Variants in NLGN1 observed in about 807,000 individuals in gnomAD.
NLGN1 encodes the protein neuroligin 1.
Under a neutral mutation model 65.5 loss-of-function variants are expected in NLGN1, and 12 were observed. The observed-to-expected ratio is 0.18, with a 90% CI of 0.12 to 0.30. The LOEUF (loss-of-function observed/expected upper bound fraction) is 0.30, where lower values mean the gene tolerates loss of function less well. Ranked by LOEUF, NLGN1 falls within the 10% of genes least tolerant of loss-of-function variation. NLGN1 has a pLI of 1.00. For missense variants in NLGN1, 750 were observed against 1,007.1 expected, an observed-to-expected ratio of 0.74 and a Z score of 3.46; for synonymous variants, 350 against 359.5, an observed-to-expected ratio of 0.97 and a Z score of 0.30.
At chr3:173,543,798 C>CAATCTTTGCACTCATG (rs1486288296) in intron 2 of NLGN1, among the ~76,000 whole-genome samples, 2 of 152,096 alleles carry the variant, frequency 1.3e-5, no homozygotes, top group South Asian at 4.1e-4. Flanking sequence ...GAAACAGACA[C>CAATCTTTGCACTCATG]AATCTTTGCA....
intron 2 of NLGN1, among the ~76,000 whole-genome samples, chr3:173,572,487 A>T (rs1438325412): frequency 6.6e-6 from 1 of 152,268 alleles, no homozygotes; most frequent in African/African-American, 2.4e-5. Context: ...ATCTGAGTCC[A>T]TGCCAAGAAT....
chr3:174,151,991 GA>G (rs1724449346), intron 4 of NLGN1, among the ~76,000 whole-genome samples: 4 of 152,022 alleles, frequency 2.6e-5, no homozygotes, highest in Admixed American at 1.3e-4. Context: ...AACTGTTAGA[GA>G]AAGAATACAG....
chr3:174,075,778 T>C (rs1232496930), intron 4 of NLGN1, among the ~76,000 whole-genome samples: 3 of 152,194 alleles, frequency 2.0e-5, no homozygotes, highest in Non-Finnish European at 2.9e-5. Context: ...GATTATTGAT[T>C]CTTGAGCATG....
intron 4 of NLGN1, among the ~76,000 whole-genome samples, chr3:174,091,368 C>T (rs1016796102): frequency 3.9e-5 from 6 of 152,192 alleles, no homozygotes; most frequent in Non-Finnish European, 8.8e-5. Context: ...TGACTTAACA[C>T]CTGTTGAAAA....
At chr3:173,854,341 C>T (rs1727541999) in intron 4 of NLGN1, among the ~76,000 whole-genome samples, 1 of 151,906 alleles carries the variant, frequency 6.6e-6, no homozygotes, top group East Asian at 1.9e-4. Flanking sequence ...TACAATGATG[C>T]CAACTGTAAG....
chr3:173,541,566 A>C (rs10936759), intron 2 of NLGN1, among the ~76,000 whole-genome samples: 88,319 of 151,846 alleles, frequency 0.58, 26,172 homozygotes, highest in East Asian at 0.85. Flanking sequence ...AGTTGATGAA[A>C]TGAAGACAGT....
intron 4 of NLGN1, among the ~76,000 whole-genome samples, chr3:173,955,687 G>C (rs1711834215): frequency 6.6e-6 from 1 of 152,102 alleles, no homozygotes; most frequent in Non-Finnish European, 1.5e-5. Context: ...ATAATTGCTT[G>C]ACTTAAACTT....
At chr3:173,544,027 G>T in intron 2 of NLGN1, among the ~76,000 whole-genome samples, 1 of 152,160 alleles carries the variant, frequency 6.6e-6, no homozygotes, top group Non-Finnish European at 1.5e-5. Context: ...ATGTTTCAGA[G>T]AAAACTCCTA....
At chr3:174,001,006 G>A (rs953629845) in intron 4 of NLGN1, among the ~76,000 whole-genome samples, 8 of 152,146 alleles carry the variant, frequency 5.3e-5, no homozygotes, top group Non-Finnish European at 1.5e-5. Context: ...AGTGCACACT[G>A]CCTGTTCCCC....
intron 3 of NLGN1, among the ~76,000 whole-genome samples, chr3:173,735,882 G>A (rs1428704212): frequency 1.3e-5 from 2 of 151,928 alleles, no homozygotes; most frequent in African/African-American, 4.8e-5. Context: ...ATTACAGGTG[G>A]CATTTTGAAA....
intron 4 of NLGN1, among the ~76,000 whole-genome samples, chr3:174,114,615 C>T (rs1305329809): frequency 6.6e-6 from 1 of 152,060 alleles, no homozygotes; most frequent in African/African-American, 2.4e-5. Flanking sequence ...CAGTATGTTT[C>T]CTTTTAAATT....
intron 4 of NLGN1, among the ~76,000 whole-genome samples, chr3:173,896,359 A>T (rs867761874): frequency 6.6e-6 from 1 of 152,140 alleles, no homozygotes; most frequent in African/African-American, 2.4e-5. Flanking sequence ...GAGAATCCTG[A>T]TAGTGTAGAA....
chr3:173,541,067 C>T (rs1263039004), intron 2 of NLGN1, among the ~76,000 whole-genome samples: 1 of 152,112 alleles, frequency 6.6e-6, no homozygotes, highest in African/African-American at 2.4e-5. Flanking sequence ...AGCTGTACTG[C>T]TGACCTAGAG....
intron 1 of NLGN1, among the ~76,000 whole-genome samples, chr3:173,418,373 G>T (rs965932849): frequency 6.6e-6 from 1 of 151,428 alleles, no homozygotes; most frequent in Non-Finnish European, 1.5e-5. Context: ...ATAAATTATT[G>T]ATCATGAATT....
At chr3:173,519,974 G>T (rs571398648) in intron 2 of NLGN1, among the ~76,000 whole-genome samples, 33 of 152,220 alleles carry the variant, frequency 2.2e-4, no homozygotes, top group African/African-American at 7.0e-4. Flanking sequence ...ATCATGGGAC[G>T]GAGTTATCAT....
chr3:173,772,135 G>A (rs1030470729), intron 3 of NLGN1, among the ~76,000 whole-genome samples: 2 of 151,998 alleles, frequency 1.3e-5, no homozygotes, highest in Admixed American at 6.6e-5. Context: ...AAGATTATTG[G>A]CTCATTTTTA....
At chr3:174,210,914 A>G (rs536493941) in intron 4 of NLGN1, among the ~76,000 whole-genome samples, 3 of 152,298 alleles carry the variant, frequency 2.0e-5, no homozygotes, top group Admixed American at 1.3e-4. Context: ...GTACAATAAC[A>G]TGCTAGTGTG....
chr3:174,270,824 G>T (rs1749261531), intron 4 of NLGN1, among the ~76,000 whole-genome samples: 1 of 151,762 alleles, frequency 6.6e-6, no homozygotes, highest in South Asian at 2.1e-4. Flanking sequence ...TTTCGAGTTG[G>T]ATTTTTACCT....
intron 4 of NLGN1, among the ~76,000 whole-genome samples, chr3:174,194,254 C>G (rs1732944927): frequency 6.6e-6 from 1 of 151,972 alleles, no homozygotes; most frequent in South Asian, 2.1e-4. Context: ...GTCAAGAGAT[C>G]AAGACCATCC....
Sources: allele counts gnomAD v4.1 joint callset (sites outside exome capture counted in the v4.1 genomes callset), GRCh38; gene constraint gnomAD v4.1.1; transcripts MANE v1.5; gene names NCBI Gene and HGNC (gene_info 2026-07-23, HGNC 2026-07-21).